Variants in NRBF2 observed in about 807,000 individuals in gnomAD.
NRBF2 encodes nuclear receptor-binding factor 2.
NRBF2 carries 12 observed loss-of-function variants against 28.5 expected under a neutral mutation model. The ratio of observed to expected loss-of-function variants is 0.42; its 90% CI spans 0.27 to 0.68. The LOEUF is 0.68. Ranked by LOEUF, NRBF2 falls within the 30% of genes least tolerant of loss-of-function variation. The probability of loss-of-function intolerance (pLI) is 0.24; values close to 1 mark genes in which losing one functional copy is unlikely to be tolerated. For synonymous variants in NRBF2, 102 were observed against 116.5 expected, an observed-to-expected ratio of 0.88 and a Z score of 0.80; for missense variants, 274 against 333.5, an observed-to-expected ratio of 0.82 and a Z score of 1.39.
At chr10:63,153,140 C>A (rs1589022682) in intron 3 of NRBF2, among the ~76,000 whole-genome samples, 1 of 152,182 alleles carries the variant, frequency 6.6e-6, no homozygotes, top group African/African-American at 2.4e-5. Flanking sequence ...TGTGTTCTAT[C>A]CCTTTCACTG....
At chr10:63,138,743 CAAAAAAA>C (rs894650031) in intron 1 of NRBF2, among the ~76,000 whole-genome samples, 1 of 117,668 alleles carries the variant, frequency 8.5e-6, no homozygotes, top group Non-Finnish European at 1.8e-5. Context: ...GACTCTGTCT[CAAAAAAA>C]AAAAAAAAGT....
intron 2 of NRBF2, among the ~76,000 whole-genome samples, chr10:63,151,533 A>G (rs1237681713): frequency 1.3e-5 from 2 of 152,244 alleles, no homozygotes; most frequent in African/African-American, 4.8e-5. Context: ...CTAAAGAGGA[A>G]AGATAATAAT....
chr10:63,134,082 A>G (rs1841337427), intron 1 of NRBF2, among the ~76,000 whole-genome samples: 1 of 150,716 alleles, frequency 6.6e-6, no homozygotes, highest in African/African-American at 2.4e-5. Context: ...TCTTCCAAAT[A>G]TATTAGAGAC....
intron 2 of NRBF2, among the ~76,000 whole-genome samples, chr10:63,150,598 A>C (rs1162410731): frequency 6.6e-6 from 1 of 152,146 alleles, no homozygotes; most frequent in Non-Finnish European, 1.5e-5. Flanking sequence ...TTTTGCTGCC[A>C]GGGACTGGTT....
rs779689027 is a variant in NRBF2, at chr10:63,146,296, G to T, written c.115+3G>T. 6 of 1,603,678 alleles carry T rather than the reference G, an allele frequency of 3.7e-6. No individual in the cohort carries two copies. In the Admixed American group the frequency reaches 1.0e-4, roughly 27 times the overall value. On this transcript the variant is annotated splice_donor_region_variant and intron_variant, in intron 2 of 3. Transcript: ENST00000277746. ...TTCTTGTCACAAAAAGGCTGCAGGT[G>T]AGTATTCTTATTAAGTACTCAGTGT...
At chr10:63,133,798 C>T (rs1343812919) in intron 1 of NRBF2, among the ~76,000 whole-genome samples, 6 of 152,190 alleles carry the variant, frequency 3.9e-5, no homozygotes, top group Admixed American at 6.5e-5. Flanking sequence ...GGGGGAAGTC[C>T]TCTTAGCGCC....
At chr10:63,135,139 A>G (rs1488401439) in intron 1 of NRBF2, among the ~76,000 whole-genome samples, 2 of 152,194 alleles carry the variant, frequency 1.3e-5, no homozygotes, top group South Asian at 2.1e-4. Context: ...GTGGGCCGAG[A>G]TTGTGCCACT....
intron 1 of NRBF2, among the ~76,000 whole-genome samples, chr10:63,135,462 C>T (rs919306615): frequency 6.6e-6 from 1 of 152,196 alleles, no homozygotes; most frequent in Non-Finnish European, 1.5e-5. Flanking sequence ...GTGACAGTTG[C>T]AGATAGAACT....
rs752198951 is a variant in NRBF2, at chr10:63,133,379, C to G, written c.-92C>G. 3.4e-6 allele frequency: 5 copies of G among 1,477,158 alleles called. No homozygotes were observed. Among genetic ancestry groups the G allele is most frequent in the African/African-American group, 1.4e-5 (1 of 71,406 alleles). The allele number at this position is 1,477,158 out of a possible 1,614,324, so 91.5% of individuals were successfully genotyped here. On this transcript the variant is annotated 5_prime_UTR_variant, in exon 1 of 4. Coordinates refer to ENST00000277746, the MANE Select transcript of NRBF2 (RefSeq NM_030759.5). ...TTGGGGCGCAGAGAGGGGCCGCAGTCTCCGCGGCTGCGTCGAGCTCCCTTG... is the reference window on the plus strand; with the variant it reads ...TTGGGGCGCAGAGAGGGGCCGCAGTGTCCGCGGCTGCGTCGAGCTCCCTTG...
At position 63,152,207 on chromosome 10, in the gene NRBF2, A is replaced by C. The variant is rs769538087; in HGVS notation, c.156+17A>C. Reference sequence around the variant, plus strand: ...TCAGAGCAGGTGAGACATATTCCCAATATTTGCGACAAGGGTTAGAAAGGT... The same window carrying C: ...TCAGAGCAGGTGAGACATATTCCCACTATTTGCGACAAGGGTTAGAAAGGT... On this transcript the variant is annotated intron_variant, in intron 3 of 3. Transcript: ENST00000277746. The C allele has an allele frequency of 5.6e-6, 9 of 1,609,110 alleles. No homozygotes were observed. In the Admixed American group the frequency reaches 1.5e-4, roughly 27 times the overall value.
chr10:63,149,600 AT>A (rs968423832), intron 2 of NRBF2, among the ~76,000 whole-genome samples: 3 of 152,186 alleles, frequency 2.0e-5, no homozygotes, highest in African/African-American at 7.2e-5. Flanking sequence ...ATTTAAAATA[AT>A]TTTTTTCTTT....
chr10:63,139,292 C>T (rs575911137), intron 1 of NRBF2, among the ~76,000 whole-genome samples: 1 of 152,140 alleles, frequency 6.6e-6, no homozygotes, highest in East Asian at 1.9e-4. Flanking sequence ...GGATTACAGG[C>T]GTGAGCCACC....
intron 1 of NRBF2, among the ~76,000 whole-genome samples, chr10:63,139,670 T>A (rs1360161753): frequency 6.6e-6 from 1 of 152,208 alleles, no homozygotes; most frequent in Non-Finnish European, 1.5e-5. Context: ...AGACTCTCCC[T>A]CTCTTTTTTT....
chr10:63,146,663 C>T (rs1841566115), intron 2 of NRBF2, among the ~76,000 whole-genome samples: 1 of 152,156 alleles, frequency 6.6e-6, no homozygotes, highest in African/African-American at 2.4e-5. Flanking sequence ...CAATTCCAAC[C>T]AATTCATTTT....
chr10:63,149,842 CAG>C (rs537916720), intron 2 of NRBF2, among the ~76,000 whole-genome samples: 1 of 151,908 alleles, frequency 6.6e-6, no homozygotes, highest in East Asian at 1.9e-4. Flanking sequence ...ATAGTTCAAA[CAG>C]GGAGACAAAT....
intron 2 of NRBF2, among the ~76,000 whole-genome samples, chr10:63,150,137 A>G (rs1409304120): frequency 2.0e-5 from 3 of 149,888 alleles, no homozygotes; most frequent in African/African-American, 4.9e-5. Flanking sequence ...TTTTTAGTAG[A>G]GACGGGGTTT....
At chr10:63,150,768 T>A (rs536832287) in intron 2 of NRBF2, among the ~76,000 whole-genome samples, 6 of 152,344 alleles carry the variant, frequency 3.9e-5, no homozygotes, top group African/African-American at 1.4e-4. Flanking sequence ...AGCCCTGAGC[T>A]TGTTTTCCTG....
intron 1 of NRBF2, among the ~76,000 whole-genome samples, chr10:63,144,849 T>C (rs1841534751): frequency 6.6e-6 from 1 of 152,184 alleles, no homozygotes; most frequent in Non-Finnish European, 1.5e-5. Flanking sequence ...TGAATATGGG[T>C]GTACAATGCT....
At chr10:63,151,629 CATT>C (rs1288419039) in intron 2 of NRBF2, among the ~76,000 whole-genome samples, 4 of 152,158 alleles carry the variant, frequency 2.6e-5, no homozygotes, top group Non-Finnish European at 5.9e-5. Context: ...TCATAAATGA[CATT>C]ATACTGTCCT....
Sources: gnomAD v4.1 joint callset for allele counts (sites outside exome capture counted in the v4.1 genomes callset) on GRCh38, gnomAD v4.1.1 for gene constraint, MANE v1.5 for transcripts, NCBI Gene and HGNC (gene_info 2026-07-23, HGNC 2026-07-21) for gene names.